PHF20: variants seen among roughly 807,000 people sequenced by gnomAD.
PHF20 encodes glioma-expressed antigen 2.
PHF20 carries 23 observed loss-of-function variants against 113.5 expected under a neutral mutation model. That is an observed-to-expected ratio of 0.20 (90% CI 0.15 to 0.29). The LOEUF (loss-of-function observed/expected upper bound fraction) is 0.29, where lower values mean the gene tolerates loss of function less well. Ranked by LOEUF, PHF20 falls within the 10% of genes least tolerant of loss-of-function variation. PHF20 has a pLI of 1.00. For missense variants in PHF20, 943 were observed against 1,219.6 expected, an observed-to-expected ratio of 0.77 and a Z score of 3.38; for synonymous variants, 434 against 457.3, an observed-to-expected ratio of 0.95 and a Z score of 0.65.
At chr20:35,883,206 C>A (rs990699840) in intron 9 of PHF20, among the ~76,000 whole-genome samples, 5 of 151,986 alleles carry the variant, frequency 3.3e-5, no homozygotes, top group African/African-American at 7.3e-5. Context: ...CAGAGTGAGA[C>A]CCTGTCTCTG....
intron 13 of PHF20, among the ~76,000 whole-genome samples, chr20:35,926,228 TCA>T (rs1348237427): frequency 7.1e-6 from 1 of 140,418 alleles, no homozygotes; most frequent in East Asian, 2.2e-4. Context: ...AGACAGACTT[TCA>T]TTTTTTTTTT....
chr20:35,877,106 CAAAAAA>C (rs760494622), intron 9 of PHF20, among the ~76,000 whole-genome samples: 1 of 32,372 alleles, frequency 3.1e-5, no homozygotes, highest in Non-Finnish European at 6.4e-5. Context: ...GACTCTGTCT[CAAAAAA>C]AAAAAAAAAA....
intron 9 of PHF20, among the ~76,000 whole-genome samples, chr20:35,892,835 G>C (rs559593030): frequency 7.9e-5 from 12 of 152,194 alleles, no homozygotes; most frequent in African/African-American, 4.8e-5. Flanking sequence ...TTGTATCACA[G>C]TGAGTTATAC....
chr20:35,819,292 T>A (rs190028559), intron 2 of PHF20, among the ~76,000 whole-genome samples: 2 of 152,102 alleles, frequency 1.3e-5, no homozygotes, highest in Non-Finnish European at 2.9e-5. Context: ...GGCTGCAGTT[T>A]CCTAGTAGTG....
intron 4 of PHF20, among the ~76,000 whole-genome samples, chr20:35,853,831 TACA>T (rs951456549): frequency 6.6e-6 from 1 of 151,586 alleles, no homozygotes; most frequent in African/African-American, 2.4e-5. Flanking sequence ...GTCAGATCAC[TACA>T]ACCTCTGCCT....
intron 2 of PHF20, among the ~76,000 whole-genome samples, chr20:35,836,610 C>A (rs1034386598): frequency 6.6e-6 from 1 of 152,002 alleles, no homozygotes; most frequent in Admixed American, 6.6e-5. Flanking sequence ...TTTGGGAGGC[C>A]GAGGCGGGCG....
chr20:35,858,217 G>T, intron 4 of PHF20, 85 bp from the exon 5 acceptor site: 1 of 711,698 alleles, frequency 1.4e-6, no homozygotes, highest in East Asian at 2.5e-5. Context: ...TTATGTGGTT[G>T]GAGATCCCTT....
At chr20:35,881,048 CTTTTTTTT>C (rs773060725) in intron 9 of PHF20, among the ~76,000 whole-genome samples, 2 of 109,756 alleles carry the variant, frequency 1.8e-5, no homozygotes, top group East Asian at 2.6e-4. Flanking sequence ...CTCTAAATAC[CTTTTTTTT>C]TTTTTTTTTT....
chr20:35,891,507 G>A (rs189684198), intron 9 of PHF20, among the ~76,000 whole-genome samples: 2 of 152,118 alleles, frequency 1.3e-5, no homozygotes, highest in Admixed American at 6.6e-5. Context: ...GGAATTCTTC[G>A]AGGCAGGACA....
intron 2 of PHF20, among the ~76,000 whole-genome samples, chr20:35,806,033 T>C (rs547464667): frequency 1.1e-4 from 17 of 151,996 alleles, no homozygotes; most frequent in Non-Finnish European, 1.8e-4. Context: ...CCCAGCTAAT[T>C]TTTGTATTTT....
At chr20:35,848,147 C>G (rs2042656303) in intron 4 of PHF20, among the ~76,000 whole-genome samples, 1 of 152,146 alleles carries the variant, frequency 6.6e-6, no homozygotes, top group African/African-American at 2.4e-5. Flanking sequence ...CTTGATGCCA[C>G]TGTAGGGTTG....
At chr20:35,865,903 G>A (rs1001119280) in intron 6 of PHF20, among the ~76,000 whole-genome samples, 5 of 151,722 alleles carry the variant, frequency 3.3e-5, no homozygotes, top group East Asian at 1.9e-4. Flanking sequence ...GTGAAATCCC[G>A]TCTCCACTAA....
chr20:35,776,875 C>G (rs925272205), intron 1 of PHF20, among the ~76,000 whole-genome samples: 1 of 152,220 alleles, frequency 6.6e-6, no homozygotes, highest in Non-Finnish European at 1.5e-5. Context: ...AATGTCCACC[C>G]TGGCTGAATC....
intron 9 of PHF20, among the ~76,000 whole-genome samples, chr20:35,889,059 T>G: frequency 7.3e-6 from 1 of 136,988 alleles, no homozygotes; most frequent in South Asian, 2.4e-4. Context: ...CTGTGTCACC[T>G]AGGCTGGAGT....
intron 2 of PHF20, among the ~76,000 whole-genome samples, chr20:35,815,127 G>A: frequency 6.6e-6 from 1 of 151,968 alleles, no homozygotes. Context: ...GCCAAAGGAG[G>A]CAGAGGTTGC....
chr20:35,813,949 A>G (rs1431890582), intron 2 of PHF20, among the ~76,000 whole-genome samples: 1 of 150,838 alleles, frequency 6.6e-6, no homozygotes, highest in Non-Finnish European at 1.5e-5. Context: ...AAAAAAAAAA[A>G]AAAAAAAAGG....
At chr20:35,941,144 CG>C in intron 17 of PHF20, 97 bp downstream of exon 17, 1 of 903,440 alleles carries the variant, frequency 1.1e-6, no homozygotes, top group Non-Finnish European at 1.7e-6. Flanking sequence ...TTACAGGGAC[CG>C]CTGTACTCTT....
intron 4 of PHF20, among the ~76,000 whole-genome samples, chr20:35,852,036 G>C (rs1296298881): frequency 6.6e-6 from 1 of 152,068 alleles, no homozygotes; most frequent in Non-Finnish European, 1.5e-5. Flanking sequence ...ATCGTATTTA[G>C]TCTTTACACA....
chr20:35,892,224 ATT>A (rs780490898), intron 9 of PHF20, among the ~76,000 whole-genome samples: 6,062 of 102,382 alleles, frequency 0.059, 147 homozygotes, highest in African/African-American at 0.15. Context: ...CGCCTGGCTG[ATT>A]TTTTTTTTTT....
Sources: allele counts gnomAD v4.1 joint callset (sites outside exome capture counted in the v4.1 genomes callset), GRCh38; gene constraint gnomAD v4.1.1; transcripts MANE v1.5; gene names NCBI Gene and HGNC (gene_info 2026-07-23, HGNC 2026-07-21).